The following KPNA3 variants were observed in gnomAD, a reference collection of about 807,000 sequenced individuals.
The protein encoded by KPNA3 is importin subunit alpha-4.
Under a neutral mutation model 73.8 loss-of-function variants are expected in KPNA3, and 13 were observed. The observed-to-expected ratio is 0.18, with a 90% CI of 0.11 to 0.28. The LOEUF (loss-of-function observed/expected upper bound fraction) is 0.28. Among genes scored for constraint, KPNA3 ranks in the 10% least tolerant of loss-of-function variants. The probability of loss-of-function intolerance (pLI) is 1.00; values close to 1 mark genes in which losing one functional copy is unlikely to be tolerated. For missense variants in KPNA3, 360 were observed against 618.1 expected, an observed-to-expected ratio of 0.58 and a Z score of 4.43; for synonymous variants, 186 against 206.9, an observed-to-expected ratio of 0.90 and a Z score of 0.87.
intron 1 of KPNA3, among the ~76,000 whole-genome samples, chr13:49,773,275 T>C (rs923349320): frequency 1.3e-5 from 2 of 152,158 alleles, no homozygotes; most frequent in Non-Finnish European, 2.9e-5. Flanking sequence ...TATTTACATT[T>C]TGATTGCAAT....
chr13:49,730,519 C>CAAAAAAAAAAAAAAAAAAAAAA (rs55725741), intron 6 of KPNA3, among the ~76,000 whole-genome samples: 7 of 27,294 alleles, frequency 2.6e-4, no homozygotes, highest in Non-Finnish European at 3.8e-4. Context: ...GACTCTGTCT[C>CAAAAAAAAAAAAAAAAAAAAAA]AAAAAAAAAA....
At chr13:49,749,826 T>C (rs1249248865) in intron 1 of KPNA3, among the ~76,000 whole-genome samples, 1 of 152,192 alleles carries the variant, frequency 6.6e-6, no homozygotes, top group East Asian at 1.9e-4. Flanking sequence ...TAAATGTAAA[T>C]GGCCAAACTC....
chr13:49,725,581 G>T, intron 6 of KPNA3, 80 bp from the exon 7 acceptor site: 1 of 816,204 alleles, frequency 1.2e-6, no homozygotes, highest in Non-Finnish European at 1.9e-6. Flanking sequence ...ATAAGATATG[G>T]CTATTCTTTG....
chr13:49,725,512 A>C lies in KPNA3; in HGVS notation c.384-11T>G, dbSNP rs750880615. ...AACTGTAATGAAGGACTGTAAAAAA[A>C]CAATAACACATCTTTTTAGACACAT... is the stretch of plus-strand genomic sequence containing the variant. On this transcript the variant is annotated splice_polypyrimidine_tract_variant and intron_variant, in intron 6 of 16. Transcript: ENST00000261667. The C allele has an allele frequency of 6.4e-7, 1 of 1,558,264 alleles. No homozygotes were observed. The highest frequency in any genetic ancestry group is 1.1e-5 in the South Asian group (1 of 89,536).
chr13:49,703,239 A>AGT (rs978584085), intron 15 of KPNA3, among the ~76,000 whole-genome samples: 1 of 124,648 alleles, frequency 8.0e-6, no homozygotes, highest in African/African-American at 3.1e-5. Context: ...GCTGGAGTGC[A>AGT]GTGGCACGTC....
At chr13:49,778,787 G>A (rs1157794268) in intron 1 of KPNA3, among the ~76,000 whole-genome samples, 1 of 151,998 alleles carries the variant, frequency 6.6e-6, no homozygotes, top group Non-Finnish European at 1.5e-5. Flanking sequence ...TTTAAATTTT[G>A]TGTAGAGATG....
chr13:49,753,259 C>A (rs1594450840), intron 1 of KPNA3, among the ~76,000 whole-genome samples: 1 of 152,116 alleles, frequency 6.6e-6, no homozygotes, highest in South Asian at 2.1e-4. Flanking sequence ...GAAAAACCAA[C>A]ACTGAGAAAT....
intron 6 of KPNA3, among the ~76,000 whole-genome samples, chr13:49,728,092 G>A (rs775681525): frequency 1.1e-4 from 16 of 152,110 alleles, no homozygotes; most frequent in South Asian, 8.3e-4. Flanking sequence ...AAAGTCAGCC[G>A]GGCGTGGTGG....
At chr13:49,765,892 T>C (rs1954804082) in intron 1 of KPNA3, among the ~76,000 whole-genome samples, 2 of 152,140 alleles carry the variant, frequency 1.3e-5, no homozygotes, top group South Asian at 4.1e-4. Flanking sequence ...TCCCATAACC[T>C]TGGGAATTTA....
intron 6 of KPNA3, among the ~76,000 whole-genome samples, chr13:49,731,225 C>T (rs1441554709): frequency 4.0e-5 from 6 of 151,510 alleles, no homozygotes; most frequent in Admixed American, 2.6e-4. Flanking sequence ...TAGGCATGTG[C>T]CACCATGCCT....
At chr13:49,716,279 A>T (rs9535305) in intron 10 of KPNA3, among the ~76,000 whole-genome samples, 128,577 of 152,100 alleles carry the variant, frequency 0.85, 54,582 homozygotes, top group East Asian at 1. Context: ...CAACCTAAAA[A>T]AAAAATTTGA....
intron 1 of KPNA3, among the ~76,000 whole-genome samples, chr13:49,755,662 A>T (rs1301095284): frequency 2.6e-5 from 4 of 152,096 alleles, no homozygotes; most frequent in African/African-American, 9.7e-5. Context: ...GTGGTGGTGC[A>T]CACCTGTAGT....
chr13:49,741,679 T>C (rs182980539), intron 2 of KPNA3, among the ~76,000 whole-genome samples: 11 of 152,274 alleles, frequency 7.2e-5, no homozygotes, highest in Non-Finnish European at 8.8e-5. Context: ...TGGTCTTGAT[T>C]TCCTGACCTT....
At position 49,792,556 on chromosome 13, in the gene KPNA3, G is replaced by T. The variant is rs767342383; in HGVS notation, c.-50C>A. On this transcript the variant is annotated 5_prime_UTR_variant, in exon 1 of 17. Transcript: ENST00000261667. ...CTACTCCTGCGGCTGCGGCGGCGGC[G>T]GCGGCGAATCTTGGAGCGGGAGGGG... 107 of 1,336,200 alleles carry T rather than the reference G, an allele frequency of 8.0e-5. No homozygotes were observed. The highest frequency in any genetic ancestry group is 1.3e-4 in the Admixed American group (7 of 52,896). The allele number at this position is 1,336,200 out of a possible 1,614,324, so 82.8% of individuals were successfully genotyped here.
At chr13:49,791,340 C>G (rs1222191895) in intron 1 of KPNA3, among the ~76,000 whole-genome samples, 1 of 152,194 alleles carries the variant, frequency 6.6e-6, no homozygotes, top group Non-Finnish European at 1.5e-5. Flanking sequence ...CCATTTTCCC[C>G]CTAACAAATC....
At chr13:49,741,500 C>G (rs1335213980) in intron 2 of KPNA3, among the ~76,000 whole-genome samples, 1 of 150,052 alleles carries the variant, frequency 6.7e-6, no homozygotes, top group African/African-American at 2.5e-5. Context: ...GTCACCCAGG[C>G]TGGAGTGCAG....
At chr13:49,708,602 T>G (rs571999566) in intron 12 of KPNA3, among the ~76,000 whole-genome samples, 1 of 152,092 alleles carries the variant, frequency 6.6e-6, no homozygotes, top group Non-Finnish European at 1.5e-5. Flanking sequence ...TTCTTCGTAA[T>G]AGTGAAAAGG....
chr13:49,765,314 T>C (rs1390653897), intron 1 of KPNA3, among the ~76,000 whole-genome samples: 2 of 152,234 alleles, frequency 1.3e-5, no homozygotes, highest in Non-Finnish European at 1.5e-5. Context: ...TAAAACGTAC[T>C]ATTTATTATT....
rs546243154 is a variant in KPNA3, at chr13:49,749,788, G to C, written c.70-2795C>G. Among the ~76,000 whole-genome samples, 3 of 152,216 alleles carry C rather than the reference G, an allele frequency of 2.0e-5. No homozygotes were observed. In the South Asian group the frequency reaches 6.2e-4, roughly 32 times the overall value. On this transcript the variant is annotated intron_variant, in intron 1 of 16. Coordinates refer to ENST00000261667, the MANE Select transcript of KPNA3 (RefSeq NM_002267.4). Reference sequence around the variant, plus strand: ...CCCTCACCTATCTCTAATAATTAAAGACCACTTATTCACCCGAAAGAATCA... The same window carrying C: ...CCCTCACCTATCTCTAATAATTAAACACCACTTATTCACCCGAAAGAATCA...
Sources: gnomAD v4.1 joint callset for allele counts (sites outside exome capture counted in the v4.1 genomes callset) on GRCh38, gnomAD v4.1.1 for gene constraint, MANE v1.5 for transcripts, NCBI Gene and HGNC (gene_info 2026-07-23, HGNC 2026-07-21) for gene names.